RASAL2: variants seen among roughly 807,000 people sequenced by gnomAD.
The protein encoded by RASAL2 is ras GTPase-activating protein nGAP.
RASAL2 carries 58 observed loss-of-function variants against 128.9 expected under a neutral mutation model. The ratio of observed to expected loss-of-function variants is 0.45; its 90% CI spans 0.36 to 0.56. The LOEUF (loss-of-function observed/expected upper bound fraction) is 0.56, where lower values mean the gene tolerates loss of function less well. RASAL2 is among the 20% of genes least tolerant of loss of function. The pLI is 0.00. For missense variants in RASAL2, 1,360 were observed against 1,601.6 expected (o/e 0.85, Z 2.57); for synonymous variants, 561 against 580.8 (o/e 0.97, Z 0.49).
At chr1:178,243,258 C>T (rs1240490902) in intron 1 of RASAL2, among the ~76,000 whole-genome samples, 2 of 152,108 alleles carry the variant, frequency 1.3e-5, no homozygotes, top group Admixed American at 6.5e-5. Flanking sequence ...GAGTTCCTAC[C>T]GATCCCTGCT....
intron 1 of RASAL2, among the ~76,000 whole-genome samples, chr1:178,114,254 AACCTGATCGT>A (rs1659444747): frequency 6.6e-6 from 1 of 152,180 alleles, no homozygotes; most frequent in African/African-American, 2.4e-5. Context: ...CCTTGCCATC[AACCTGATCGT>A]AGGTAAAAAG....
At chr1:178,147,846 G>A (rs1423120263) in intron 1 of RASAL2, among the ~76,000 whole-genome samples, 1 of 152,110 alleles carries the variant, frequency 6.6e-6, no homozygotes, top group Non-Finnish European at 1.5e-5. Context: ...AAGGTGGGTG[G>A]ATCACCTGAG....
At chr1:178,212,069 A>G (rs571256538) in intron 1 of RASAL2, among the ~76,000 whole-genome samples, 7 of 152,304 alleles carry the variant, frequency 4.6e-5, no homozygotes, top group South Asian at 2.1e-4. Context: ...GAGGTATAGT[A>G]TATAGTTTAT....
intron 4 of RASAL2, among the ~76,000 whole-genome samples, chr1:178,392,074 T>C (rs1405037738): frequency 1.3e-5 from 2 of 152,208 alleles, no homozygotes; most frequent in Non-Finnish European, 2.9e-5. Context: ...GGCAAAGTAT[T>C]GGTGATTCAT....
At chr1:178,429,172 C>G (rs1557982264) in intron 5 of RASAL2, among the ~76,000 whole-genome samples, 3 of 152,056 alleles carry the variant, frequency 2.0e-5, no homozygotes, top group Non-Finnish European at 4.4e-5. Flanking sequence ...GTTCTTGATG[C>G]TTTGGTTTCT....
At position 178,450,526 on chromosome 1, in the gene RASAL2, C is replaced by T. The variant is rs574445964; in HGVS notation, c.1628-1045C>T. 2.7e-4 allele frequency among the ~76,000 whole-genome samples: 41 copies of T among 152,234 alleles called. 1 individual carries two copies. Among genetic ancestry groups the T allele is most frequent in the Admixed American group, 2.3e-3 (35 of 15,290 alleles). On this transcript the variant is annotated intron_variant, in intron 9 of 17. Coordinates refer to ENST00000367649, the MANE Select transcript of RASAL2 (RefSeq NM_170692.4). ...TGTCACGGGTATTTTTAAAAGCTTT[C>T]ATTTATCCAAATACTAACCACTTTG...
At chr1:178,347,576 A>T (rs889785570) in intron 3 of RASAL2, among the ~76,000 whole-genome samples, 2 of 152,214 alleles carry the variant, frequency 1.3e-5, no homozygotes, top group African/African-American at 4.8e-5. Flanking sequence ...AGCTATTGTT[A>T]GTCATCAGGG....
intron 17 of RASAL2, among the ~76,000 whole-genome samples, chr1:178,471,177 C>A (rs1024316380): frequency 6.6e-6 from 1 of 151,984 alleles, no homozygotes; most frequent in Non-Finnish European, 1.5e-5. Flanking sequence ...CCTTATGAGG[C>A]CTTATAATTT....
chr1:178,447,017 A>G (rs1240606637), intron 9 of RASAL2, among the ~76,000 whole-genome samples: 1 of 152,228 alleles, frequency 6.6e-6, no homozygotes, highest in African/African-American at 2.4e-5. Context: ...GTGAACAACA[A>G]CAACAAAAAG....
intron 1 of RASAL2, among the ~76,000 whole-genome samples, chr1:178,248,373 C>G (rs552614276): frequency 6.6e-6 from 1 of 152,236 alleles, no homozygotes; most frequent in Admixed American, 6.5e-5. Flanking sequence ...TCTGTTTTAT[C>G]AGGGACTAGG....
chr1:178,319,749 G>A (rs928428953), intron 3 of RASAL2, among the ~76,000 whole-genome samples: 24 of 151,754 alleles, frequency 1.6e-4, no homozygotes, highest in East Asian at 1.4e-3. Flanking sequence ...ATGTCCTCCC[G>A]TAGCTCAGAG....
At chr1:178,146,080 A>G (rs1313104095) in intron 1 of RASAL2, among the ~76,000 whole-genome samples, 1 of 152,218 alleles carries the variant, frequency 6.6e-6, no homozygotes, top group East Asian at 1.9e-4. Context: ...CTGAGATATG[A>G]TAGGTAATTC....
intron 1 of RASAL2, among the ~76,000 whole-genome samples, chr1:178,126,753 TAAG>T (rs1659916991): frequency 6.6e-6 from 1 of 152,304 alleles, no homozygotes; most frequent in Non-Finnish European, 1.5e-5. Flanking sequence ...AGTGGAAAGA[TAAG>T]AAGGGAGCAG....
intron 3 of RASAL2, among the ~76,000 whole-genome samples, chr1:178,332,158 C>T (rs1351987525): frequency 6.6e-6 from 1 of 152,046 alleles, no homozygotes; most frequent in Admixed American, 6.6e-5. Flanking sequence ...GCATAGCCCA[C>T]TAGTAATAGA....
chr1:178,140,391 A>G (rs1380683967), intron 1 of RASAL2, among the ~76,000 whole-genome samples: 2 of 152,190 alleles, frequency 1.3e-5, no homozygotes, highest in Non-Finnish European at 2.9e-5. Context: ...TATGGTTTTG[A>G]CAAATGCATA....
intron 1 of RASAL2, among the ~76,000 whole-genome samples, chr1:178,181,597 C>T (rs573469882): frequency 3.9e-5 from 6 of 152,018 alleles, no homozygotes; most frequent in Non-Finnish European, 7.4e-5. Context: ...CATTCTTTTT[C>T]TGTTTCAGGA....
At chr1:178,292,707 T>A (rs951340621) in intron 2 of RASAL2, among the ~76,000 whole-genome samples, 1 of 152,134 alleles carries the variant, frequency 6.6e-6, no homozygotes, top group African/African-American at 2.4e-5. Flanking sequence ...AAATTTGAGA[T>A]TAAGGAGTTG....
intron 1 of RASAL2, among the ~76,000 whole-genome samples, chr1:178,130,051 T>C (rs967000763): frequency 6.6e-6 from 1 of 152,196 alleles, no homozygotes; most frequent in Non-Finnish European, 1.5e-5. Flanking sequence ...TTTACATAAT[T>C]AAGGAAAAGC....
At chr1:178,187,861 C>T (rs1347197227) in intron 1 of RASAL2, among the ~76,000 whole-genome samples, 1 of 152,110 alleles carries the variant, frequency 6.6e-6, no homozygotes, top group Non-Finnish European at 1.5e-5. Flanking sequence ...GGAGTTCTTC[C>T]ATCTTGGCCT....
Sources: gnomAD v4.1 joint callset for allele counts (sites outside exome capture counted in the v4.1 genomes callset) on GRCh38, gnomAD v4.1.1 for gene constraint, MANE v1.5 for transcripts, NCBI Gene and HGNC (gene_info 2026-07-23, HGNC 2026-07-21) for gene names.